TCHP: variants seen among roughly 807,000 people sequenced by gnomAD.
TCHP encodes the protein trichoplein keratin filament binding, also known as trichoplein keratin filament-binding protein.
A neutral mutation model predicts 88.7 loss-of-function variants in TCHP; 81 were observed. The ratio of observed to expected loss-of-function variants is 0.91; its 90% CI spans 0.76 to 1.10. TCHP has a LOEUF of 1.10. Ranked by LOEUF, TCHP falls within the 50% of genes least tolerant of loss-of-function variation. The pLI, the probability that TCHP is intolerant of heterozygous loss-of-function variation, is 0.00. For synonymous variants in TCHP, 232 were observed against 232.5 expected (o/e 1.00, Z 0.02); for missense variants, 641 against 632.1 (o/e 1.01, Z -0.15).
At chr12:109,885,372 AT>A in the TCHP span, among the ~76,000 whole-genome samples, 2 of 151,626 alleles carry the variant, frequency 1.3e-5, no homozygotes. Flanking sequence ...GCAGCTATAG[AT>A]TTTGTGTGTC....
At chr12:109,895,329 C>G (rs1869532164), upstream of TCHP, among the ~76,000 whole-genome samples, 1 of 150,860 alleles carries the variant, frequency 6.6e-6, no homozygotes, top group Non-Finnish European at 1.5e-5. Flanking sequence ...CCCACTTCCA[C>G]GTCCCAGGTA....
chr12:109,894,965 T>C, the TCHP span, among the ~76,000 whole-genome samples: 3,385 of 151,490 alleles, frequency 0.022, 125 homozygotes, highest in African/African-American at 0.078. Flanking sequence ...GTCGAGTAGT[T>C]TGTCTTCAGC....
intron 8 of TCHP, 89 bp downstream of exon 8, chr12:109,909,026 A>G: frequency 7.9e-7 from 1 of 1,259,606 alleles, no homozygotes. Flanking sequence ...CATTCTCGTA[A>G]GAATGAAGAC....
At position 109,904,090 on chromosome 12, in the gene TCHP, A is replaced by T; in HGVS notation, c.342A>T (p.Arg114Ser). The change falls in exon 3 of 13, where the codon AGA (arginine) becomes AGT (serine). Residue 114 changes from arginine to serine, a missense_variant. Physicochemically the swap from Arg to Ser is moderately radical, Grantham distance 110. Transcript: ENST00000405876. Reference protein sequence around the residue: ...ELRLSMNLQERRIREQHGKLK... With the variant: ...ELRLSMNLQESRIREQHGKLK... ...GGCTGAGCATGAACTTGCAGGAAAG[A>T]AGAATCCGGGAGCAGCACGGGAAGC... 6.3e-7 allele frequency: 1 copy of T among 1,597,294 alleles called. No individual in the cohort carries two copies. Among genetic ancestry groups the T allele is most frequent in the Non-Finnish European group, 8.5e-7 (1 of 1,171,766 alleles).
At chr12:109,883,043 T>TA in the TCHP span, among the ~76,000 whole-genome samples, 3 of 144,016 alleles carry the variant, frequency 2.1e-5, no homozygotes, top group Admixed American at 6.9e-5. Context: ...TTTTTTTTCT[T>TA]TTTTTTTTTT....
chr12:109,912,513 A>G (rs1412720901), intron 9 of TCHP, among the ~76,000 whole-genome samples: 1 of 152,180 alleles, frequency 6.6e-6, no homozygotes, highest in Admixed American at 6.5e-5. Flanking sequence ...CAACAGGGCC[A>G]GGCACGGTGG....
chr12:109,894,276 G>A, the TCHP span, among the ~76,000 whole-genome samples: 4 of 150,992 alleles, frequency 2.6e-5, no homozygotes, highest in African/African-American at 9.7e-5. Context: ...GGTTAACACG[G>A]TGAAACCCTA....
chr12:109,898,333 C>T (rs1341558949), upstream of TCHP, among the ~76,000 whole-genome samples: 1 of 152,188 alleles, frequency 6.6e-6, no homozygotes, highest in African/African-American at 2.4e-5. Context: ...CCTCGGCCTC[C>T]CGAGTAGCTG....
chr12:109,914,838 C>A (rs1870711088), intron 11 of TCHP: 7 of 528,880 alleles, frequency 1.3e-5, no homozygotes, highest in Admixed American at 6.6e-5. Context: ...GAGGCCGGTA[C>A]TGCTGTCTGT....
At chr12:109,912,891 T>TCCTGC in intron 9 of TCHP, 100 bp from the exon 10 acceptor site, 1 of 865,706 alleles carries the variant, frequency 1.2e-6, no homozygotes, top group South Asian at 1.4e-5. Context: ...TGCAGTGTGG[T>TCCTGC]CCTGCAGAAG....
rs1243631028 is a variant in TCHP at position 109,908,590 on chromosome 12, C to T, written c.704C>T (p.Thr235Ile). Reference protein sequence around the residue: ...EELKLKEVEATKLKKEQENLL... With the variant: ...EELKLKEVEAIKLKKEQENLL... The stretch of plus-strand genomic sequence containing the variant: ...TTACTCTCATCATCACCACAGGCGA[C>T]CAAACTAAAGAAGGAGCAGGAGAAT... Residue 235 changes from threonine (T) to isoleucine (I), a missense_variant, in exon 7 of 13, where the codon ACC (threonine) becomes ATC (isoleucine). Transcript: ENST00000405876. The T allele has an allele frequency of 5.6e-6, 9 of 1,596,746 alleles. 1 individual carries two copies. The highest frequency in any genetic ancestry group is 4.0e-5 in the African/African-American group (3 of 74,860).
At chr12:109,912,837 T>C (rs575870440) in intron 9 of TCHP, 154 bp from the exon 10 acceptor site, 5 of 645,214 alleles carry the variant, frequency 7.7e-6, no homozygotes, top group Non-Finnish European at 1.4e-5. Context: ...CCGTGGATGC[T>C]GTCCTTAATT....
rs1189427694 is a variant in TCHP at position 109,911,247 on chromosome 12, CTGCTGACTGGGCTGGA to C, written c.1052+17_1052+32del. 2 of 1,464,594 alleles carry C rather than the reference CTGCTGACTGGGCTGGA, an allele frequency of 1.4e-6. No individual in the cohort carries two copies. Among genetic ancestry groups the C allele is most frequent in the East Asian group, 4.8e-5 (2 of 41,806 alleles). The allele number at this position is 1,464,594 out of a possible 1,614,324, so 90.7% of individuals were successfully genotyped here. ...CAGATGCTGCTGAGGTGAGTGGCAGCTGCTGACTGGGCTGGATGCTCCTGGCCTCAACTCTGATACC... is the reference window on the plus strand; with the variant it reads ...CAGATGCTGCTGAGGTGAGTGGCAGCTGCTCCTGGCCTCAACTCTGATACC... On this transcript the variant is annotated intron_variant, in intron 9 of 12. Coordinates refer to ENST00000405876, the MANE Select transcript of TCHP (RefSeq NM_001143852.2).
At position 109,904,165 on chromosome 12, in the gene TCHP, T is replaced by C; in HGVS notation, c.399+18T>C. 6.4e-7 allele frequency: 1 copy of C among 1,554,334 alleles called. No individual in the cohort carries two copies. The highest frequency in any genetic ancestry group is 8.7e-7 in the Non-Finnish European group (1 of 1,148,430). ...GGAAACTGGTAACTCCCCAGAGGGC[T>C]TCAGGAGGCTGTGGAGCAGGAGTGT... On this transcript the variant is annotated intron_variant, in intron 3 of 12. Coordinates refer to ENST00000405876, the MANE Select transcript of TCHP (RefSeq NM_001143852.2).
chr12:109,915,610 C>A, intron 12 of TCHP, 64 bp downstream of exon 12: 1 of 1,521,724 alleles, frequency 6.6e-7, no homozygotes, highest in Non-Finnish European at 8.8e-7. Flanking sequence ...CCCCTGCTCC[C>A]CTGGGCCTGC....
chr12:109,894,112 G>A, the TCHP span, among the ~76,000 whole-genome samples: 1 of 151,930 alleles, frequency 6.6e-6, no homozygotes, highest in Non-Finnish European at 1.5e-5. Context: ...TTGAACCCAC[G>A]AGGTGGAGGT....
the TCHP span, among the ~76,000 whole-genome samples, chr12:109,884,721 A>G: frequency 6.6e-6 from 1 of 152,140 alleles, no homozygotes; most frequent in East Asian, 1.9e-4. Context: ...TCTTTGACAC[A>G]ATCTCAAACT....
chr12:109,884,400 G>C, the TCHP span, among the ~76,000 whole-genome samples: 1 of 152,076 alleles, frequency 6.6e-6, no homozygotes, highest in Non-Finnish European at 1.5e-5. Flanking sequence ...GTGTTAGCCA[G>C]GGTGGTCTGG....
intron 5 of TCHP, 89 bp downstream of exon 5, chr12:109,906,729 T>A: frequency 9.2e-7 from 1 of 1,084,438 alleles, no homozygotes; most frequent in Non-Finnish European, 1.4e-6. Context: ...TCAGCATCAG[T>A]GACTCCAGTT....
Sources: allele counts gnomAD v4.1 joint callset (sites outside exome capture counted in the v4.1 genomes callset), GRCh38; gene constraint gnomAD v4.1.1; transcripts MANE v1.5; gene names NCBI Gene and HGNC (gene_info 2026-07-23, HGNC 2026-07-21).